TAFA1: variants seen among roughly 807,000 people sequenced by gnomAD.
The protein encoded by TAFA1 is chemokine-like protein TAFA-1.
TAFA1 carries 4 observed loss-of-function variants against 18.5 expected under a neutral mutation model. The observed-to-expected ratio is 0.22, with a 90% CI of 0.11 to 0.49. The LOEUF (loss-of-function observed/expected upper bound fraction) is 0.49, where lower values mean the gene tolerates loss of function less well. TAFA1 is among the 20% of genes least tolerant of loss of function. The pLI is 0.98. For synonymous variants in TAFA1, 56 were observed against 55.2 expected (o/e 1.01, Z -0.06); for missense variants, 147 against 169.0 (o/e 0.87, Z 0.72).
intron 2 of TAFA1, among the ~76,000 whole-genome samples, chr3:68,063,343 T>C (rs1403261492): frequency 6.6e-6 from 1 of 152,212 alleles, no homozygotes; most frequent in Non-Finnish European, 1.5e-5. Flanking sequence ...AGAGAACGTT[T>C]TAAATACTAC....
chr3:68,055,420 G>A (rs1184870632), intron 2 of TAFA1, among the ~76,000 whole-genome samples: 2 of 152,022 alleles, frequency 1.3e-5, no homozygotes, highest in African/African-American at 4.8e-5. Flanking sequence ...CTACCCCAAG[G>A]GTACAGAACT....
intron 2 of TAFA1, among the ~76,000 whole-genome samples, chr3:68,149,050 G>A (rs1168139162): frequency 2.6e-5 from 4 of 152,172 alleles, no homozygotes. Flanking sequence ...AATACTGAGT[G>A]TACCTGGAAG....
intron 2 of TAFA1, among the ~76,000 whole-genome samples, chr3:68,248,048 G>A (rs928263874): frequency 2.6e-5 from 4 of 152,198 alleles, no homozygotes; most frequent in Non-Finnish European, 4.4e-5. Flanking sequence ...ACCTCACTTA[G>A]AGTACTTAGT....
chr3:68,490,245 G>A (rs1203890663), intron 3 of TAFA1, among the ~76,000 whole-genome samples: 1 of 152,156 alleles, frequency 6.6e-6, no homozygotes, highest in East Asian at 1.9e-4. Context: ...ATATTTTCCA[G>A]TGAATAGTTC....
intron 2 of TAFA1, among the ~76,000 whole-genome samples, chr3:68,047,830 C>T (rs2106694677): frequency 6.6e-6 from 1 of 152,190 alleles, no homozygotes; most frequent in Non-Finnish European, 1.5e-5. Context: ...GGTATGATAG[C>T]TGTAGAGACT....
chr3:68,481,159 T>C (rs964620011), intron 3 of TAFA1, among the ~76,000 whole-genome samples: 1 of 152,234 alleles, frequency 6.6e-6, no homozygotes, highest in Non-Finnish European at 1.5e-5. Context: ...TTTTTGAACA[T>C]ACATTGTTGA....
rs950783583 is a variant in TAFA1, at chr3:68,145,767, T to G, written c.118+139023T>G. ...TCCTTACTATGTGATAAAATACATATAGAATAAAAAGAAAAAAGATGCCTA... is the reference window on the plus strand; with the variant it reads ...TCCTTACTATGTGATAAAATACATAGAGAATAAAAAGAAAAAAGATGCCTA... On this transcript the variant is annotated intron_variant, in intron 2 of 4. Transcript: ENST00000478136. The G allele has an allele frequency of 8.6e-6, 5 of 579,692 alleles. No individual in the cohort carries two copies. In the South Asian group the frequency reaches 1.0e-4, roughly 12 times the overall value. The allele number at this position is 579,692 out of a possible 1,614,324, so 35.9% of individuals were successfully genotyped here. A position where few individuals can be genotyped will look rare whatever the true frequency, so the allele number is the denominator to read the frequency against.
At chr3:68,259,581 C>T (rs1444653513) in intron 2 of TAFA1, among the ~76,000 whole-genome samples, 1 of 152,104 alleles carries the variant, frequency 6.6e-6, no homozygotes, top group Non-Finnish European at 1.5e-5. Flanking sequence ...ATGGAATGTT[C>T]TTCCATTTCT....
Position 68,303,553 on chromosome 3 carries a change from G to T in TAFA1, c.119-113727G>T, listed in dbSNP as rs375605046. Among the ~76,000 whole-genome samples, 3 of 151,848 alleles carry T rather than the reference G, an allele frequency of 2.0e-5. No individual in the cohort carries two copies. The South Asian group carries it at 6.2e-4, about 31-fold the overall frequency. ...CCTGCCAGGTTCACGCCATTCTCCCGCCTCAGCCTCTCAGCCTCCCGAGTA... is the reference window on the plus strand; with the variant it reads ...CCTGCCAGGTTCACGCCATTCTCCCTCCTCAGCCTCTCAGCCTCCCGAGTA... On this transcript the variant is annotated intron_variant, in intron 2 of 4. Coordinates refer to ENST00000478136, the MANE Select transcript of TAFA1 (RefSeq NM_213609.4).
At chr3:68,471,809 A>G (rs1342673525) in intron 3 of TAFA1, among the ~76,000 whole-genome samples, 2 of 152,200 alleles carry the variant, frequency 1.3e-5, no homozygotes, top group Admixed American at 1.3e-4. Context: ...TTGACATTCA[A>G]TATTAACCAT....
chr3:68,120,237 CTTT>C (rs2065380644), intron 2 of TAFA1, among the ~76,000 whole-genome samples: 1 of 100,600 alleles, frequency 9.9e-6, no homozygotes, highest in African/African-American at 4.1e-5. Flanking sequence ...TTCTTTCTTT[CTTT>C]CTTTCTTTCT....
chr3:68,523,558 T>C (rs73099579), intron 3 of TAFA1, among the ~76,000 whole-genome samples: 37,698 of 152,034 alleles, frequency 0.25, 5,136 homozygotes, highest in East Asian at 0.49. Context: ...GATTCTTACA[T>C]CAGTGCTTTT....
chr3:68,290,984 A>AT (rs975223823), intron 2 of TAFA1, among the ~76,000 whole-genome samples: 7 of 151,416 alleles, frequency 4.6e-5, no homozygotes, highest in African/African-American at 1.5e-4. Flanking sequence ...GCTAAGCTTT[A>AT]TTTTTTTTCA....
In TAFA1 at chr3:68,245,473, A is replaced by G. The variant is rs2067060333; in HGVS notation, c.119-171807A>G. Among the ~76,000 whole-genome samples, 7 of 152,202 alleles carry G rather than the reference A, an allele frequency of 4.6e-5. No homozygotes were observed. The South Asian group carries it at 1.4e-3, about 31-fold the overall frequency. On this transcript the variant is annotated intron_variant, in intron 2 of 4. Coordinates refer to ENST00000478136, the MANE Select transcript of TAFA1 (RefSeq NM_213609.4). ...TACATGTTACACCCTCAATTTACATATATTTCTACTGTTCTACTTTTCATT... is the reference window on the plus strand; with the variant it reads ...TACATGTTACACCCTCAATTTACATGTATTTCTACTGTTCTACTTTTCATT...
chr3:68,034,414 A>G (rs1705002755), intron 2 of TAFA1, among the ~76,000 whole-genome samples: 1 of 152,176 alleles, frequency 6.6e-6, no homozygotes, highest in Non-Finnish European at 1.5e-5. Context: ...ATTTTACTTA[A>G]GAGGAACCTG....
chr3:68,392,439 TCAGA>T (rs1180190163), intron 2 of TAFA1, among the ~76,000 whole-genome samples: 2 of 152,074 alleles, frequency 1.3e-5, no homozygotes, highest in Non-Finnish European at 1.5e-5. Flanking sequence ...ACTGTCAATA[TCAGA>T]CAGATCAATG....
At chr3:68,330,311 C>T (rs1170707432) in intron 2 of TAFA1, among the ~76,000 whole-genome samples, 1 of 152,128 alleles carries the variant, frequency 6.6e-6, no homozygotes, top group African/African-American at 2.4e-5. Flanking sequence ...TGATTGAGGC[C>T]TCTATTAACC....
intron 2 of TAFA1, among the ~76,000 whole-genome samples, chr3:68,298,821 C>G (rs2068256210): frequency 6.6e-6 from 1 of 152,164 alleles, no homozygotes; most frequent in South Asian, 2.1e-4. Context: ...AATTAAAGCT[C>G]TTTCCTTTAT....
chr3:68,132,288 A>G (rs533431532), intron 2 of TAFA1, among the ~76,000 whole-genome samples: 4 of 152,306 alleles, frequency 2.6e-5, no homozygotes, highest in African/African-American at 9.6e-5. Context: ...ATTGACGGAC[A>G]TTTGGGTTGG....
Sources: allele counts gnomAD v4.1 joint callset (sites outside exome capture counted in the v4.1 genomes callset), GRCh38; gene constraint gnomAD v4.1.1; transcripts MANE v1.5; gene names NCBI Gene and HGNC (gene_info 2026-07-23, HGNC 2026-07-21).